TANC2: variants seen among roughly 807,000 people sequenced by gnomAD.
TANC2 encodes tetratricopeptide repeat, ankyrin repeat and coiled-coil containing 2.
A neutral mutation model predicts 210.5 loss-of-function variants in TANC2; 26 were observed. The ratio of observed to expected loss-of-function variants is 0.12; its 90% CI spans 0.09 to 0.17. TANC2 has a LOEUF of 0.17. TANC2 is among the 10% of genes least tolerant of loss of function. The pLI is 1.00. For synonymous variants in TANC2, 931 were observed against 967.1 expected (o/e 0.96, Z 0.69); for missense variants, 2,129 against 2,608.9 (o/e 0.82, Z 4.01).
chr17:63,249,321 G>A (rs2042995877), intron 8 of TANC2, among the ~76,000 whole-genome samples: 1 of 152,080 alleles, frequency 6.6e-6, no homozygotes, highest in Non-Finnish European at 1.5e-5. Context: ...AATTGCTATT[G>A]CATATTTGTT....
intron 4 of TANC2, among the ~76,000 whole-genome samples, chr17:63,145,369 A>T (rs1240511691): frequency 4.6e-5 from 7 of 152,300 alleles, no homozygotes; most frequent in Non-Finnish European, 8.8e-5. Context: ...ATTTTCTAGT[A>T]AATGTTTAGG....
At chr17:63,426,132 A>C (rs2049137359) in exon 28 of TANC2, 1 of 152,212 alleles carries the variant, frequency 6.6e-6, no homozygotes, top group Non-Finnish European at 1.5e-5. Flanking sequence ...CCCATTTCTC[A>C]AGAAACCGAC....
chr17:63,194,037 A>G, exon 6 of TANC2: 2 of 1,613,344 alleles, frequency 1.2e-6, no homozygotes, highest in Non-Finnish European at 1.7e-6. Flanking sequence ...TAGATGAGGC[A>G]GCAAACACAC....
At position 63,389,469 on chromosome 17, in the gene TANC2, C is replaced by G. The variant is rs768134141; in HGVS notation, c.2976C>G (p.Gly992=). 1.4e-5 allele frequency: 22 copies of G among 1,613,704 alleles called. 1 individual carries two copies. Among genetic ancestry groups the G allele is most frequent in the Middle Eastern group, 1.6e-4 (1 of 6,084 alleles). The change falls in exon 17 of 28, where the codon GGC becomes GGG. Residue 992 remains glycine, a synonymous_variant. Coordinates refer to ENST00000689528, the Ensembl canonical transcript of TANC2. ...ACGTGGATGCCTCTTCTGAAAGTGGCCTGACTCCCCTGGGATATGCTGCAG... is the reference window on the plus strand; with the variant it reads ...ACGTGGATGCCTCTTCTGAAAGTGGGCTGACTCCCCTGGGATATGCTGCAG...
chr17:63,336,629 AACTT>A (rs1463810221), intron 11 of TANC2, among the ~76,000 whole-genome samples: 6 of 152,210 alleles, frequency 3.9e-5, no homozygotes, highest in African/African-American at 1.2e-4. Context: ...AGTAACCTAA[AACTT>A]ACTTGCTATC....
intron 22 of TANC2, 79 bp downstream of exon 22, chr17:63,411,765 A>AG: frequency 6.6e-7 from 1 of 1,516,716 alleles, no homozygotes; most frequent in Non-Finnish European, 8.9e-7. Flanking sequence ...TTGAAAGTGG[A>AG]GTGATGTATT....
chr17:63,314,853 T>C (rs1030179528), intron 10 of TANC2, among the ~76,000 whole-genome samples, 184 bp downstream of exon 10: 1 of 152,202 alleles, frequency 6.6e-6, no homozygotes, highest in South Asian at 2.1e-4. Context: ...ACATACCCAG[T>C]AGTCACCTAA....
intron 4 of TANC2, among the ~76,000 whole-genome samples, chr17:63,116,571 G>A (rs2038259406): frequency 1.3e-5 from 2 of 152,216 alleles, no homozygotes. Context: ...AGCATTTTTA[G>A]TGAAGTAAGT....
intron 7 of TANC2, among the ~76,000 whole-genome samples, chr17:63,220,713 A>ATATATATATATATATATATGTAT (rs1302451440): frequency 7.1e-6 from 1 of 140,562 alleles, no homozygotes; most frequent in Non-Finnish European, 1.5e-5. Context: ...CAAAAAAAAA[A>ATATATATATATATATATATGTAT]AAAAAAATAT....
In TANC2 at chr17:63,228,301, G is replaced by A. The variant is rs560141040; in HGVS notation, c.770-9513G>A. On this transcript the variant is annotated intron_variant, in intron 7 of 27. Transcript: ENST00000689528. ...TTCCATGGTCTATGTGTCTGTTTTT[G>A]TACTAGTACCATGCTGTTTTGGTTA... is the stretch of plus-strand genomic sequence containing the variant. Among the ~76,000 whole-genome samples, 262 of 152,264 alleles carry A rather than the reference G, an allele frequency of 1.7e-3. 1 individual carries two copies. Among genetic ancestry groups the A allele is most frequent in the African/African-American group, 6.1e-3 (254 of 41,552 alleles).
At chr17:63,298,898 G>A (rs543126350) in intron 9 of TANC2, among the ~76,000 whole-genome samples, 224 of 152,014 alleles carry the variant, frequency 1.5e-3, no homozygotes, top group Admixed American at 2.6e-3. Context: ...TTAGTTATTT[G>A]TCCTAATGCT....
intron 7 of TANC2, among the ~76,000 whole-genome samples, chr17:63,211,580 C>T (rs2041886328): frequency 6.6e-6 from 1 of 152,154 alleles, no homozygotes; most frequent in East Asian, 1.9e-4. Flanking sequence ...CTCAGCTCTG[C>T]ACTTCCAACT....
intron 5 of TANC2, among the ~76,000 whole-genome samples, chr17:63,186,893 A>G (rs1415253066): frequency 1.3e-5 from 2 of 152,214 alleles, no homozygotes; most frequent in Non-Finnish European, 2.9e-5. Context: ...TCTCACAGAG[A>G]TTGTTTTTCA....
At chr17:63,153,955 G>C (rs1326387842) in intron 5 of TANC2, 1 of 152,072 alleles carries the variant, frequency 6.6e-6, no homozygotes, top group Non-Finnish European at 1.5e-5. Context: ...CAAAAGTGTA[G>C]GGAAAGCTAC....
At chr17:63,063,936 C>T (rs2036102053) in intron 2 of TANC2, among the ~76,000 whole-genome samples, 1 of 151,956 alleles carries the variant, frequency 6.6e-6, no homozygotes, top group Non-Finnish European at 1.5e-5. Flanking sequence ...AATATGTGGG[C>T]TTTTATCTAT....
At chr17:63,062,799 A>G (rs897004483) in intron 2 of TANC2, among the ~76,000 whole-genome samples, 2 of 152,186 alleles carry the variant, frequency 1.3e-5, no homozygotes, top group South Asian at 2.1e-4. Flanking sequence ...TTCTTCTACT[A>G]TACTCTTCAT....
intron 8 of TANC2, among the ~76,000 whole-genome samples, chr17:63,267,182 G>A (rs1360387771): frequency 1.3e-5 from 2 of 152,068 alleles, no homozygotes; most frequent in Admixed American, 6.6e-5. Flanking sequence ...GGATACTCTA[G>A]TATTTCTTAT....
At chr17:63,212,888 T>C (rs2041926402) in intron 7 of TANC2, among the ~76,000 whole-genome samples, 1 of 152,222 alleles carries the variant, frequency 6.6e-6, no homozygotes, top group Non-Finnish European at 1.5e-5. Flanking sequence ...AGATCTCATG[T>C]TTTCAACAAA....
chr17:63,392,879 G>A (rs749674744), intron 17 of TANC2, among the ~76,000 whole-genome samples: 2 of 152,038 alleles, frequency 1.3e-5, no homozygotes, highest in African/African-American at 4.8e-5. Context: ...AAAATGCATA[G>A]AGTTTCTATA....
Sources: gnomAD v4.1 joint callset for allele counts (sites outside exome capture counted in the v4.1 genomes callset) on GRCh38, gnomAD v4.1.1 for gene constraint, MANE v1.5 for transcripts, NCBI Gene and HGNC (gene_info 2026-07-23, HGNC 2026-07-21) for gene names.